Variants in SLC2A13 observed in about 807,000 individuals in gnomAD.
SLC2A13 encodes proton myo-inositol cotransporter.
SLC2A13 carries 32 observed loss-of-function variants against 64.4 expected under a neutral mutation model. The observed-to-expected ratio is 0.50, with a 90% CI of 0.37 to 0.67. The LOEUF is 0.67. SLC2A13 is among the 30% of genes least tolerant of loss of function. SLC2A13 has a pLI of 0.00. For synonymous variants in SLC2A13, 338 were observed against 327.1 expected, an observed-to-expected ratio of 1.03 and a Z score of -0.36; for missense variants, 743 against 829.2, an observed-to-expected ratio of 0.90 and a Z score of 1.28.
At chr12:39,999,930 A>C (rs1947296430) in intron 3 of SLC2A13, among the ~76,000 whole-genome samples, 1 of 152,128 alleles carries the variant, frequency 6.6e-6, no homozygotes. Context: ...ATGTGATGTC[A>C]CCCCTGGAGG....
intron 1 of SLC2A13, among the ~76,000 whole-genome samples, chr12:40,049,231 C>T (rs1324980126): frequency 1.3e-5 from 2 of 151,518 alleles, no homozygotes; most frequent in African/African-American, 2.4e-5. Context: ...AAAAAGATTG[C>T]CTAAAAAATT....
intron 7 of SLC2A13, among the ~76,000 whole-genome samples, chr12:39,827,152 A>G (rs547227762): frequency 6.2e-4 from 94 of 151,838 alleles, no homozygotes; most frequent in Admixed American, 1.4e-3. Context: ...ACATGCCTCT[A>G]TGGATGTCTC....
intron 1 of SLC2A13, among the ~76,000 whole-genome samples, chr12:40,098,081 A>G (rs1939017433): frequency 6.6e-6 from 1 of 151,432 alleles, no homozygotes; most frequent in South Asian, 2.1e-4. Flanking sequence ...ATATATGTAT[A>G]TATGCATATA....
intron 4 of SLC2A13, among the ~76,000 whole-genome samples, chr12:39,942,311 T>A (rs1334015397): frequency 6.6e-6 from 1 of 152,266 alleles, no homozygotes; most frequent in Non-Finnish European, 1.5e-5. Flanking sequence ...AGTATGGTCA[T>A]GTTCACAATA....
chr12:39,891,646 C>T (rs188374607), intron 4 of SLC2A13, among the ~76,000 whole-genome samples: 187 of 152,218 alleles, frequency 1.2e-3, no homozygotes, highest in Non-Finnish European at 2.2e-4. Context: ...TGCTGACAAT[C>T]CTTAAGGTAT....
chr12:39,856,851 CTTAA>C, intron 6 of SLC2A13, among the ~76,000 whole-genome samples: 1 of 152,302 alleles, frequency 6.6e-6, no homozygotes, highest in East Asian at 1.9e-4. Flanking sequence ...TTCATACAAA[CTTAA>C]TTAAAGAATA....
chr12:40,093,972 G>A (rs769397058), intron 1 of SLC2A13, among the ~76,000 whole-genome samples: 1 of 152,118 alleles, frequency 6.6e-6, no homozygotes, highest in Non-Finnish European at 1.5e-5. Context: ...AAGCAGAGGG[G>A]TCAAGAAAAA....
chr12:39,954,604 C>T, intron 3 of SLC2A13, among the ~76,000 whole-genome samples: 1 of 152,042 alleles, frequency 6.6e-6, no homozygotes, highest in East Asian at 1.9e-4. Context: ...TAAGTTTAGT[C>T]CTAGATTAAA....
At chr12:39,864,045 T>G (rs1943839719) in intron 6 of SLC2A13, among the ~76,000 whole-genome samples, 1 of 152,234 alleles carries the variant, frequency 6.6e-6, no homozygotes, top group Admixed American at 6.5e-5. Context: ...TTATGGTGGC[T>G]AAAGTCCAGT....
intron 1 of SLC2A13, among the ~76,000 whole-genome samples, chr12:40,082,740 T>C (rs1414485351): frequency 6.6e-6 from 1 of 152,192 alleles, no homozygotes; most frequent in Non-Finnish European, 1.5e-5. Flanking sequence ...AAGCTGGAGT[T>C]CTGTCTCTGC....
At chr12:40,076,517 A>G (rs978240703) in intron 1 of SLC2A13, among the ~76,000 whole-genome samples, 1 of 152,176 alleles carries the variant, frequency 6.6e-6, no homozygotes, top group East Asian at 1.9e-4. Flanking sequence ...GTAGTATTCC[A>G]TGGTGTATAT....
intron 3 of SLC2A13, among the ~76,000 whole-genome samples, chr12:40,001,220 A>G (rs893252149): frequency 4.6e-5 from 7 of 152,216 alleles, no homozygotes; most frequent in Non-Finnish European, 1.0e-4. Flanking sequence ...AAAAAACTGC[A>G]TTGCCAAAAT....
chr12:39,760,804 G>T (rs1474967883), intron 9 of SLC2A13, among the ~76,000 whole-genome samples: 1 of 151,876 alleles, frequency 6.6e-6, no homozygotes, highest in Non-Finnish European at 1.5e-5. Context: ...TAGCTAGTTT[G>T]GTTTTCTAAG....
intron 4 of SLC2A13, 44 bp from the exon 5 acceptor site, chr12:39,872,005 A>G: frequency 1.4e-6 from 2 of 1,451,346 alleles, no homozygotes; most frequent in Non-Finnish European, 1.8e-6. Context: ...TAGTTACCCA[A>G]AGAAACAGGG....
At chr12:39,984,827 C>T (rs1046927087) in intron 3 of SLC2A13, among the ~76,000 whole-genome samples, 2 of 152,072 alleles carry the variant, frequency 1.3e-5, no homozygotes, top group African/African-American at 4.8e-5. Flanking sequence ...GCAAAACACA[C>T]AGCCCTTAGA....
At chr12:39,858,640 A>G (rs1943671425) in intron 6 of SLC2A13, among the ~76,000 whole-genome samples, 1 of 152,118 alleles carries the variant, frequency 6.6e-6, no homozygotes, top group African/African-American at 2.4e-5. Context: ...GGAGTCTTGC[A>G]CTATTGCCTG....
At chr12:40,097,753 T>C (rs993626363) in intron 1 of SLC2A13, among the ~76,000 whole-genome samples, 2 of 152,126 alleles carry the variant, frequency 1.3e-5, no homozygotes, top group African/African-American at 2.4e-5. Context: ...TATTGAGAAA[T>C]TGGAACCCTG....
In SLC2A13 at chr12:39,757,517, T is replaced by C. The variant is rs1294625563; in HGVS notation, c.*2509A>G. 4.6e-5 allele frequency: 7 copies of C among 151,634 alleles called. No homozygotes were observed. The allele number at this position is 151,634 out of a possible 1,614,324, so 9.4% of individuals were successfully genotyped here. ...AAATCTAAAAATAATACCCTAATTG[T>C]ATAAGGTTCCTTTTCAAGTAATTGT... On this transcript the variant is annotated 3_prime_UTR_variant, in exon 10 of 10. Coordinates refer to ENST00000280871, the MANE Select transcript of SLC2A13 (RefSeq NM_052885.4).
chr12:40,012,066 G>T (rs11174732), intron 3 of SLC2A13, among the ~76,000 whole-genome samples: 15 of 152,062 alleles, frequency 9.9e-5, no homozygotes, highest in African/African-American at 3.4e-4. Context: ...TAAGCCAAGA[G>T]GTATTAATAG....
Sources: gnomAD v4.1 joint callset for allele counts (sites outside exome capture counted in the v4.1 genomes callset) on GRCh38, gnomAD v4.1.1 for gene constraint, MANE v1.5 for transcripts, NCBI Gene and HGNC (gene_info 2026-07-23, HGNC 2026-07-21) for gene names.